The following RAD50 variants were observed in gnomAD, a reference collection of about 807,000 sequenced individuals.
RAD50 encodes RAD50 double strand break repair protein, also known as DNA repair protein RAD50.
RAD50 carries 132 observed loss-of-function variants against 168.8 expected under a neutral mutation model. That is an observed-to-expected ratio of 0.78 (90% CI 0.68 to 0.90). The LOEUF (loss-of-function observed/expected upper bound fraction) is 0.90, where lower values mean the gene tolerates loss of function less well. Ranked by LOEUF, RAD50 falls within the 40% of genes least tolerant of loss-of-function variation. The pLI, the probability that RAD50 is intolerant of heterozygous loss-of-function variation, is 0.00. For synonymous variants in RAD50, 525 were observed against 497.4 expected, an observed-to-expected ratio of 1.06 and a Z score of -0.74; for missense variants, 1,347 against 1,534.4, an observed-to-expected ratio of 0.88 and a Z score of 2.04.
intron 21 of RAD50, among the ~76,000 whole-genome samples, chr5:132,629,668 AAAGT>A (rs1165752250): frequency 6.6e-6 from 1 of 152,212 alleles, no homozygotes; most frequent in Non-Finnish European, 1.5e-5. Flanking sequence ...CACCCAGAAG[AAAGT>A]AAGGTACAAA....
In RAD50 at chr5:132,595,041, C is replaced by A. The variant is rs749466673; in HGVS notation, c.1966C>A (p.Arg656=). 2 of 1,610,372 alleles carry A rather than the reference C, an allele frequency of 1.2e-6. No homozygotes were observed. Among genetic ancestry groups the A allele is most frequent in the South Asian group, 2.2e-5 (2 of 90,990 alleles). ...KEEIEKSSKQ[R]AMLAGATAVY... ...GGAAATTGAAAAATCATCAAAACAG[C>A]GAGGTAAGTTGTCTACTTTATATTA... Residue 656 remains arginine, a synonymous_variant, in exon 12 of 25, where the codon CGA becomes AGA. Coordinates refer to ENST00000378823, the MANE Select transcript of RAD50 (RefSeq NM_005732.4).
At chr5:132,562,527 C>A (rs1750140528) in intron 2 of RAD50, among the ~76,000 whole-genome samples, 1 of 152,084 alleles carries the variant, frequency 6.6e-6, no homozygotes, top group Non-Finnish European at 1.5e-5. Context: ...AAGTTTTTGG[C>A]TTGAACAACT....
intron 2 of RAD50, among the ~76,000 whole-genome samples, chr5:132,569,334 T>C (rs926513767): frequency 6.6e-6 from 1 of 152,160 alleles, no homozygotes; most frequent in African/African-American, 2.4e-5. Context: ...AAAAATATAC[T>C]GTGCCAGCTA....
intron 5 of RAD50, among the ~76,000 whole-genome samples, chr5:132,582,617 T>C (rs149907060): frequency 1.9e-4 from 29 of 152,232 alleles, no homozygotes; most frequent in African/African-American, 7.0e-4. Flanking sequence ...TCCTCTTTTT[T>C]TGGCCTACTT....
At position 132,638,227 on chromosome 5, in the gene RAD50, G is replaced by C. The variant is rs753872604; in HGVS notation, c.3618+4G>C. On this transcript the variant is annotated splice_donor_region_variant and intron_variant, in intron 23 of 24. Transcript: ENST00000378823. ...ACGATGCAGTGCTGGACAAAAGGCA[G>C]GTATCTCAAAAGCCTGGGGAGCCAA... 6.2e-7 allele frequency: 1 copy of C among 1,614,110 alleles called. No individual in the cohort carries two copies. Among genetic ancestry groups the C allele is most frequent in the Non-Finnish European group, 8.5e-7 (1 of 1,180,006 alleles).
At chr5:132,568,201 G>A (rs1454287429) in intron 2 of RAD50, among the ~76,000 whole-genome samples, 1 of 151,944 alleles carries the variant, frequency 6.6e-6, no homozygotes, top group Non-Finnish European at 1.5e-5. Context: ...CTCCCGAGTA[G>A]CTGGAACTAC....
rs766694532 is a variant in RAD50, at chr5:132,587,939, G to A, written c.901G>A (p.Asp301Asn). Residue 301 changes from aspartate (D) to asparagine (N), a missense_variant, in exon 7 of 25, where the codon GAT becomes AAT. This residue lies in a region of RAD50 where 703 missense variants were observed against 767.7 expected (regional missense o/e 0.92). Transcript: ENST00000378823. The stretch of plus-strand genomic sequence containing the variant: ...TGTTACACAGGTTTTTCAAGGGACT[G>A]ATGAGCAACTAAATGACTTATATCA... ...EKMEKVFQGT[D>N]EQLNDLYHNH... The A allele has an allele frequency of 1.9e-6, 3 of 1,613,130 alleles. No homozygotes were observed. The South Asian group carries it at 3.3e-5, about 18-fold the overall frequency.
chr5:132,616,620 T>G (rs1238720367), intron 20 of RAD50, among the ~76,000 whole-genome samples: 1 of 152,242 alleles, frequency 6.6e-6, no homozygotes, highest in Non-Finnish European at 1.5e-5. Context: ...TTATTGTTAC[T>G]TATTGTAGTT....
chr5:132,584,063 C>T (rs1475717696), intron 5 of RAD50, among the ~76,000 whole-genome samples: 1 of 152,050 alleles, frequency 6.6e-6, no homozygotes, highest in Non-Finnish European at 1.5e-5. Context: ...TTTTTTTCCT[C>T]ATCCATTCTG....
chr5:132,607,017 T>G (rs1750997116), intron 16 of RAD50, among the ~76,000 whole-genome samples: 5 of 152,248 alleles, frequency 3.3e-5, no homozygotes, highest in Admixed American at 3.3e-4. Flanking sequence ...AATATCATAC[T>G]GAATGGGCAA....
chr5:132,623,544 G>T (rs1227217675), intron 21 of RAD50, among the ~76,000 whole-genome samples: 1 of 152,188 alleles, frequency 6.6e-6, no homozygotes, highest in Non-Finnish European at 1.5e-5. Flanking sequence ...GTTACATACT[G>T]ACTGGTCTGG....
intron 21 of RAD50, among the ~76,000 whole-genome samples, chr5:132,635,920 A>C (rs1180331828): frequency 6.6e-6 from 1 of 152,226 alleles, no homozygotes; most frequent in Non-Finnish European, 1.5e-5. Flanking sequence ...CATTCTCATC[A>C]ACAAGCAGAA....
At position 132,646,212 on chromosome 5, in the gene RAD50, C is replaced by G. The variant is rs1471043713; in HGVS notation, c.*3848C>G. 1 of 151,292 alleles carries G rather than the reference C, an allele frequency of 6.6e-6. No individual in the cohort carries two copies. Among genetic ancestry groups the G allele is most frequent in the Non-Finnish European group, 1.5e-5 (1 of 67,816 alleles). 9.4% of individuals were successfully genotyped at this position (151,292 alleles called of 1,614,324 possible). A position where few individuals can be genotyped will look rare whatever the true frequency, so the allele number is the denominator to read the frequency against. ...CACTCCTACAACCACCATCTATACACTGATAACTCATAAATGTTTGTGTCC... is the reference window on the plus strand; with the variant it reads ...CACTCCTACAACCACCATCTATACAGTGATAACTCATAAATGTTTGTGTCC... On this transcript the variant is annotated 3_prime_UTR_variant, in exon 25 of 25. Transcript: ENST00000378823.
intron 3 of RAD50, among the ~76,000 whole-genome samples, chr5:132,577,173 G>A (rs1014770224): frequency 1.2e-4 from 18 of 152,242 alleles, no homozygotes; most frequent in African/African-American, 4.1e-4. Flanking sequence ...TCTTTTAGAG[G>A]CCACCCATAT....
chr5:132,585,634 C>T (rs1316358322), intron 5 of RAD50, among the ~76,000 whole-genome samples: 2 of 134,992 alleles, frequency 1.5e-5, no homozygotes, highest in East Asian at 2.2e-4. Context: ...GACAGGGTCT[C>T]GCTGTCTTAC....
At position 132,642,738 on chromosome 5, in the gene RAD50, A is replaced by AAATC. The variant is rs1581025550; in HGVS notation, c.*376_*379dup. 1 of 381,310 alleles carries AAATC rather than the reference A, an allele frequency of 2.6e-6. No homozygotes were observed. Among genetic ancestry groups the AAATC allele is most frequent in the Non-Finnish European group, 5.0e-6 (1 of 200,958 alleles). The allele number at this position is 381,310 out of a possible 1,614,324, so 23.6% of individuals were successfully genotyped here. A position where few individuals can be genotyped will look rare whatever the true frequency, so the allele number is the denominator to read the frequency against. ...AAATTTATGGTTTTGGTATTTTTTT[A>AAATC]AATCATAGTTAAATGTTACCTCTGA... On this transcript the variant is annotated 3_prime_UTR_variant, in exon 25 of 25. Coordinates refer to ENST00000378823, the MANE Select transcript of RAD50 (RefSeq NM_005732.4).
Position 132,640,729 on chromosome 5 carries a change from G to A in RAD50, c.3676G>A (p.Gly1226Ser), listed in dbSNP as rs1554101183. Residue 1226 changes from glycine to serine, a missense_variant, in exon 24 of 25, where the codon GGC (glycine) becomes AGC (serine). By Grantham distance (56) the Gly-to-Ser change is moderately conservative (BLOSUM62 0). Around this residue, in one of 3 missense-constraint regions of RAD50, gnomAD observed 635 missense variants for 739.2 expected, o/e 0.86. Transcript: ENST00000378823. ...ALAETFCLNCGIIALDEPTTN... is the reference protein window; with the variant it reads ...ALAETFCLNCSIIALDEPTTN... ...GGCTGAAACGTTCTGCCTCAACTGTGGCATCATTGCCTTGGATGAGCCAAC... is the reference window on the plus strand; with the variant it reads ...GGCTGAAACGTTCTGCCTCAACTGTAGCATCATTGCCTTGGATGAGCCAAC... 6.2e-6 allele frequency: 10 copies of A among 1,614,136 alleles called. No homozygotes were observed. The highest frequency in any genetic ancestry group is 7.6e-6 in the Non-Finnish European group (9 of 1,180,028).
intron 23 of RAD50, 127 bp from the exon 24 acceptor site, chr5:132,640,545 C>T (rs1276329383): frequency 1.5e-6 from 2 of 1,320,854 alleles, no homozygotes; most frequent in Non-Finnish European, 2.2e-6. Context: ...GAGGGCAGTG[C>T]TTTACCTAAC....
At chr5:132,585,099 A>C (rs926492903) in intron 5 of RAD50, among the ~76,000 whole-genome samples, 19 of 152,326 alleles carry the variant, frequency 1.2e-4, no homozygotes, top group African/African-American at 4.6e-4. Flanking sequence ...AAAGTATAAT[A>C]AAAAGAAATA....
Sources: allele counts gnomAD v4.1 joint callset (sites outside exome capture counted in the v4.1 genomes callset), GRCh38; gene constraint gnomAD v4.1.1; regional missense constraint gnomAD v4.1.1; transcripts MANE v1.5; gene names NCBI Gene and HGNC (gene_info 2026-07-23, HGNC 2026-07-21).